The following UBE2W variants were observed in gnomAD, a reference collection of about 807,000 sequenced individuals.
UBE2W encodes ubiquitin-conjugating enzyme E2 W.
In UBE2W, 18 loss-of-function variants were observed where a neutral mutation model predicts 27.2. The ratio of observed to expected loss-of-function variants is 0.66; its 90% CI spans 0.46 to 0.98. The LOEUF is 0.98. Among genes scored for constraint, UBE2W ranks in the 50% least tolerant of loss-of-function variants. The pLI is 0.00. For synonymous variants in UBE2W, 53 were observed against 57.2 expected (o/e 0.93, Z 0.33); for missense variants, 90 against 180.2 (o/e 0.50, Z 2.87).
At chr8:73,834,481 A>G (rs774003661) in intron 1 of UBE2W, among the ~76,000 whole-genome samples, 8 of 152,222 alleles carry the variant, frequency 5.3e-5, no homozygotes, top group Non-Finnish European at 1.0e-4. Flanking sequence ...TGACATAAAG[A>G]GGTTTCCAAA....
chr8:73,855,390 C>CTTT (rs1811247735), intron 1 of UBE2W, among the ~76,000 whole-genome samples: 2 of 134,976 alleles, frequency 1.5e-5, no homozygotes, highest in African/African-American at 2.9e-5. Flanking sequence ...TTATATTCTA[C>CTTT]TTTCTTTTTT....
intron 3 of UBE2W, among the ~76,000 whole-genome samples, chr8:73,815,220 T>C (rs895544047): frequency 2.6e-5 from 4 of 151,882 alleles, no homozygotes; most frequent in East Asian, 1.9e-4. Context: ...CTAAAAAAAA[T>C]AGTAACTAGC....
At chr8:73,822,861 CA>C (rs1809683504) in intron 3 of UBE2W, among the ~76,000 whole-genome samples, 1 of 151,954 alleles carries the variant, frequency 6.6e-6, no homozygotes, top group Non-Finnish European at 1.5e-5. Flanking sequence ...GGCTACCTTT[CA>C]AATGTAGGAG....
intron 1 of UBE2W, among the ~76,000 whole-genome samples, chr8:73,835,232 G>GA (rs60143568): frequency 0.023 from 3,026 of 132,890 alleles, 61 homozygotes; most frequent in African/African-American, 0.054. Context: ...GGGTTCTATA[G>GA]AAAAAAAAAA....
At chr8:73,857,405 TA>T (rs1036303050) in intron 1 of UBE2W, among the ~76,000 whole-genome samples, 61 of 152,298 alleles carry the variant, frequency 4.0e-4, no homozygotes, top group Middle Eastern at 3.4e-3. Context: ...TTCACTACAA[TA>T]GTTTCAATGT....
chr8:73,817,183 C>T (rs915937982), intron 3 of UBE2W, among the ~76,000 whole-genome samples: 2 of 151,656 alleles, frequency 1.3e-5, no homozygotes, highest in Non-Finnish European at 2.9e-5. Flanking sequence ...AAAAAATTAG[C>T]TGGGTGTGGT....
intron 3 of UBE2W, among the ~76,000 whole-genome samples, chr8:73,812,981 G>C (rs898443189): frequency 6.8e-6 from 1 of 146,152 alleles, no homozygotes; most frequent in Non-Finnish European, 1.5e-5. Flanking sequence ...CTCCAGCCTG[G>C]GCGACAAGAG....
chr8:73,845,262 G>T (rs182564829), intron 1 of UBE2W, among the ~76,000 whole-genome samples: 17 of 152,198 alleles, frequency 1.1e-4, no homozygotes, highest in African/African-American at 3.1e-4. Context: ...CGGTTTTGTC[G>T]AACAGAAAAG....
chr8:73,875,044 A>G (rs1812159394), intron 1 of UBE2W, among the ~76,000 whole-genome samples: 1 of 152,268 alleles, frequency 6.6e-6, no homozygotes, highest in African/African-American at 2.4e-5. Context: ...GTCTCCAAAA[A>G]AGAAAAGGTT....
chr8:73,867,882 C>T (rs913587085), intron 1 of UBE2W, among the ~76,000 whole-genome samples: 1 of 152,058 alleles, frequency 6.6e-6, no homozygotes, highest in Non-Finnish European at 1.5e-5. Context: ...CATCAAAAAA[C>T]CACCATAATA....
At chr8:73,856,535 T>C (rs907129509) in intron 1 of UBE2W, among the ~76,000 whole-genome samples, 1 of 149,868 alleles carries the variant, frequency 6.7e-6, no homozygotes, top group African/African-American at 2.5e-5. Flanking sequence ...TGACTAATTT[T>C]TGTATTTTTT....
In UBE2W at chr8:73,786,804, A is replaced by T. The variant is rs1265337507; in HGVS notation, c.*7298T>A. On this transcript the variant is annotated 3_prime_UTR_variant, in exon 6 of 6. Coordinates refer to ENST00000602593, the MANE Select transcript of UBE2W (RefSeq NM_018299.6). The stretch of plus-strand genomic sequence containing the variant: ...TTAAAGTTACACTCAACAGGACTTG[A>T]AAAATGCAAGGAGAGGACTACTGAG... 2.0e-6 allele frequency: 2 copies of T among 985,330 alleles called. No individual in the cohort carries two copies. Among genetic ancestry groups the T allele is most frequent in the Non-Finnish European group, 2.4e-6 (2 of 829,934 alleles). 61.0% of individuals were successfully genotyped at this position (985,330 alleles called of 1,614,324 possible).
intron 5 of UBE2W, among the ~76,000 whole-genome samples, chr8:73,801,031 G>A (rs746174969): frequency 7.9e-5 from 12 of 151,956 alleles, no homozygotes; most frequent in African/African-American, 1.7e-4. Flanking sequence ...GCAGAGGTGC[G>A]GTGAGCCAAG....
In UBE2W at chr8:73,835,996, C is replaced by A. The variant is rs541744893; in HGVS notation, c.16-5524G>T. ...CTGCAAACTCAAGAGGGACCCTAAGCCAGAATCAAACAACTATGCCTCTGA... is the reference window on the plus strand; with the variant it reads ...CTGCAAACTCAAGAGGGACCCTAAGACAGAATCAAACAACTATGCCTCTGA... On this transcript the variant is annotated intron_variant, in intron 1 of 5. Coordinates refer to ENST00000602593, the MANE Select transcript of UBE2W (RefSeq NM_018299.6). 5.9e-5 allele frequency among the ~76,000 whole-genome samples: 9 copies of A among 152,308 alleles called. No individual in the cohort carries two copies. In the South Asian group the frequency reaches 1.9e-3, roughly 32 times the overall value.
At chr8:73,828,258 A>T (rs559882008) in intron 2 of UBE2W, among the ~76,000 whole-genome samples, 5 of 152,298 alleles carry the variant, frequency 3.3e-5, no homozygotes, top group African/African-American at 9.6e-5. Context: ...ACAACCATCT[A>T]TTCCACTCTG....
At chr8:73,843,744 G>A (rs1024881585) in intron 1 of UBE2W, among the ~76,000 whole-genome samples, 17 of 107,286 alleles carry the variant, frequency 1.6e-4, no homozygotes, top group Admixed American at 6.3e-4. Flanking sequence ...ATAACTCAGA[G>A]AAACAGATAA....
chr8:73,854,050 G>A (rs147724680), intron 1 of UBE2W, among the ~76,000 whole-genome samples: 1 of 152,244 alleles, frequency 6.6e-6, no homozygotes, highest in East Asian at 1.9e-4. Context: ...TCAGGAGGCT[G>A]AGGAGGGAGG....
chr8:73,825,416 G>A (rs79429210), intron 2 of UBE2W, among the ~76,000 whole-genome samples, 167 bp from the exon 3 acceptor site: 1 of 152,088 alleles, frequency 6.6e-6, no homozygotes, highest in Admixed American at 6.6e-5. Flanking sequence ...TAATTCTCAT[G>A]ACCTATCCCC....
At chr8:73,825,504 A>G (rs1338465615) in intron 2 of UBE2W, among the ~76,000 whole-genome samples, 1 of 152,170 alleles carries the variant, frequency 6.6e-6, no homozygotes, top group Non-Finnish European at 1.5e-5. Context: ...CTAAAAAAGC[A>G]AACTAAATAA....
Sources: allele counts gnomAD v4.1 joint callset (sites outside exome capture counted in the v4.1 genomes callset), GRCh38; gene constraint gnomAD v4.1.1; transcripts MANE v1.5; gene names NCBI Gene and HGNC (gene_info 2026-07-23, HGNC 2026-07-21).